The following CHRNA7 variants were observed in gnomAD, a reference collection of about 807,000 sequenced individuals.
CHRNA7 encodes cholinergic receptor nicotinic alpha 7 subunit, also known as neuronal acetylcholine receptor subunit alpha-7.
Under a neutral mutation model 48.0 loss-of-function variants are expected in CHRNA7, and 17 were observed. The ratio of observed to expected loss-of-function variants is 0.35; its 90% confidence interval spans 0.24 to 0.53. The LOEUF (loss-of-function observed/expected upper bound fraction) is 0.53, where lower values mean the gene tolerates loss of function less well. CHRNA7 is among the 20% of genes least tolerant of loss of function. CHRNA7 has a pLI of 0.92. For synonymous variants in CHRNA7, 75 were observed against 242.3 expected (o/e 0.31, Z 6.41); for missense variants, 155 against 577.7 (o/e 0.27, Z 7.50).
At chr15:32,144,667 A>G (rs958196288) in intron 4 of CHRNA7, among the ~76,000 whole-genome samples, 2 of 152,056 alleles carry the variant, frequency 1.3e-5, no homozygotes, top group African/African-American at 4.8e-5. Context: ...CATTAATTTG[A>G]TCTTCAAACA....
At chr15:32,114,077 C>CATATATAT (rs781409368) in intron 4 of CHRNA7, among the ~76,000 whole-genome samples, 102 of 93,816 alleles carry the variant, frequency 1.1e-3, no homozygotes, top group African/African-American at 4.5e-3. Context: ...TATATATATA[C>CATATATAT]ACATACATAC....
chr15:32,136,596 T>C (rs985669598), intron 4 of CHRNA7, among the ~76,000 whole-genome samples: 9 of 152,038 alleles, frequency 5.9e-5, no homozygotes, highest in African/African-American at 9.7e-5. Context: ...GGTGTACTTA[T>C]ATGACTCTGG....
At chr15:32,150,651 T>C (rs1056251090) in intron 4 of CHRNA7, among the ~76,000 whole-genome samples, 9 of 152,092 alleles carry the variant, frequency 5.9e-5, no homozygotes, top group African/African-American at 2.2e-4. Context: ...GTCATTTGAG[T>C]GTGTGACTTT....
intron 4 of CHRNA7, among the ~76,000 whole-genome samples, chr15:32,117,542 G>A (rs1399177480): frequency 6.6e-6 from 1 of 152,178 alleles, no homozygotes; most frequent in African/African-American, 2.4e-5. Flanking sequence ...AGGGAGCATA[G>A]CAACAATATG....
At chr15:32,036,337 G>A (rs541760131) in intron 2 of CHRNA7, among the ~76,000 whole-genome samples, 2 of 152,312 alleles carry the variant, frequency 1.3e-5, no homozygotes, top group East Asian at 3.9e-4. Flanking sequence ...TTCACCTCCG[G>A]AAGAACATCT....
rs947966635 is a variant in CHRNA7 at position 32,149,520 on chromosome 15, C to A, written c.351-4387C>A. ...TTCTTCAAACTCATCTTATCTCCAC[C>A]CCTAATGCTCAAAACAGATAAAGTA... On this transcript the variant is annotated intron_variant, in intron 4 of 9. Transcript: ENST00000306901. The surrounding 1 kb of genome is among the most constrained non-coding windows in gnomAD (Gnocchi z 4.6). Among the ~76,000 whole-genome samples the A allele has an allele frequency of 6.6e-6, 1 of 152,160 alleles. No individual in the cohort carries two copies. Among genetic ancestry groups the A allele is most frequent in the Non-Finnish European group, 1.5e-5 (1 of 68,032 alleles).
chr15:32,140,212 G>T (rs2141336304), intron 4 of CHRNA7, among the ~76,000 whole-genome samples: 1 of 152,100 alleles, frequency 6.6e-6, no homozygotes, highest in Admixed American at 6.5e-5. Flanking sequence ...TGAGAATGAT[G>T]GTTTCCAGCT....
intron 2 of CHRNA7, among the ~76,000 whole-genome samples, chr15:32,084,006 T>A (rs2050256379): frequency 6.6e-6 from 1 of 152,160 alleles, no homozygotes; most frequent in East Asian, 1.9e-4. Context: ...AATTTTGGGC[T>A]GAAGAAGGGA....
intron 2 of CHRNA7, among the ~76,000 whole-genome samples, chr15:32,087,951 A>G (rs2050324656): frequency 6.6e-6 from 1 of 152,082 alleles, no homozygotes; most frequent in Non-Finnish European, 1.5e-5. Flanking sequence ...TCTCCTAAGT[A>G]TTTGTTTTGT....
chr15:32,087,093 G>T (rs2050310483), intron 2 of CHRNA7, among the ~76,000 whole-genome samples: 1 of 152,112 alleles, frequency 6.6e-6, no homozygotes, highest in Non-Finnish European at 1.5e-5. Context: ...AAGGCAAAGT[G>T]TCTACATAAA....
At chr15:32,100,904 C>A (rs1455332706) in intron 2 of CHRNA7, 1 of 196,826 alleles carries the variant, frequency 5.1e-6, no homozygotes, top group Non-Finnish European at 1.0e-5. Context: ...TGTTTAAAAG[C>A]ATATATATTT....
chr15:32,072,504 T>C (rs1258449871), intron 2 of CHRNA7, among the ~76,000 whole-genome samples: 1 of 152,188 alleles, frequency 6.6e-6, no homozygotes, highest in Non-Finnish European at 1.5e-5. Context: ...GAGATTTGCA[T>C]GACTAAAAGG....
chr15:32,130,970 T>C (rs1036198321), intron 4 of CHRNA7, among the ~76,000 whole-genome samples: 1 of 152,094 alleles, frequency 6.6e-6, no homozygotes, highest in African/African-American at 2.4e-5. Context: ...TATTTCAGCA[T>C]TCGGAAACTG....
intron 2 of CHRNA7, among the ~76,000 whole-genome samples, chr15:32,093,566 T>G (rs1327662902): frequency 6.6e-6 from 1 of 152,140 alleles, no homozygotes; most frequent in Non-Finnish European, 1.5e-5. Context: ...AATCTGGCAT[T>G]GGGCAAATTG....
intron 2 of CHRNA7, among the ~76,000 whole-genome samples, chr15:32,067,612 A>T (rs960360840): frequency 2.0e-5 from 3 of 152,212 alleles, no homozygotes; most frequent in Non-Finnish European, 4.4e-5. Context: ...AACATAAAAG[A>T]CACTGTAAAT....
intron 2 of CHRNA7, among the ~76,000 whole-genome samples, chr15:32,079,717 T>G (rs532582056): frequency 1.4e-4 from 21 of 152,124 alleles, no homozygotes; most frequent in African/African-American, 5.1e-4. Flanking sequence ...ATGGCCATAC[T>G]GCCCAAAGTA....
chr15:32,035,999 G>T (rs1902065312), intron 2 of CHRNA7, among the ~76,000 whole-genome samples: 1 of 152,182 alleles, frequency 6.6e-6, no homozygotes, highest in Non-Finnish European at 1.5e-5. Context: ...TTGGGCAAAT[G>T]TATAATGGCA....
At chr15:32,133,909 A>G (rs1462000473) in intron 4 of CHRNA7, among the ~76,000 whole-genome samples, 1 of 152,224 alleles carries the variant, frequency 6.6e-6, no homozygotes, top group African/African-American at 2.4e-5. Flanking sequence ...TTGGGGATTC[A>G]TTCCAGTATG....
chr15:32,096,459 A>C (rs1000828350), intron 2 of CHRNA7, among the ~76,000 whole-genome samples: 1 of 152,186 alleles, frequency 6.6e-6, no homozygotes, highest in African/African-American at 2.4e-5. Context: ...CTAAGAAAAA[A>C]ATATGGTTGG....
Sources: allele counts gnomAD v4.1 joint callset (sites outside exome capture counted in the v4.1 genomes callset), GRCh38; gene constraint gnomAD v4.1.1; non-coding constraint Gnocchi (gnomAD v3.1); transcripts MANE v1.5; gene names NCBI Gene and HGNC (gene_info 2026-07-23, HGNC 2026-07-21).